Variants in FHIT observed in about 807,000 individuals in gnomAD.
FHIT encodes the protein fragile histidine triad diadenosine triphosphatase, also known as bis(5'-adenosyl)-triphosphatase.
FHIT carries 19 observed loss-of-function variants against 17.9 expected under a neutral mutation model. That is an observed-to-expected ratio of 1.06 (90% confidence interval 0.74 to 1.56). FHIT has a LOEUF of 1.56. Among genes scored for constraint, FHIT ranks in the 40% most tolerant of loss-of-function variants. The probability of loss-of-function intolerance (pLI) is 0.00; values close to 1 mark genes in which losing one functional copy is unlikely to be tolerated. For missense variants in FHIT, 248 were observed against 189.2 expected, an observed-to-expected ratio of 1.31 and a Z score of -1.82; for synonymous variants, 81 against 69.7, an observed-to-expected ratio of 1.16 and a Z score of -0.81.
chr3:60,296,207 T>C (rs1431518382), intron 5 of FHIT, among the ~76,000 whole-genome samples: 3 of 151,842 alleles, frequency 2.0e-5, no homozygotes, highest in Non-Finnish European at 4.4e-5. Flanking sequence ...AATGGACTAA[T>C]ATAGAGGGGA....
intron 2 of FHIT, among the ~76,000 whole-genome samples, chr3:61,064,206 G>A (rs1190185782): frequency 6.7e-6 from 1 of 149,418 alleles, no homozygotes; most frequent in Non-Finnish European, 1.5e-5. Flanking sequence ...AGACTTTAAG[G>A]AAAGATTTTC....
chr3:60,549,585 T>C (rs1265239107), intron 4 of FHIT, among the ~76,000 whole-genome samples: 1 of 152,186 alleles, frequency 6.6e-6, no homozygotes, highest in Non-Finnish European at 1.5e-5. Context: ...AACGGTTGTA[T>C]AGAAAAAAGT....
At chr3:60,912,933 T>G (rs1450541103) in intron 3 of FHIT, among the ~76,000 whole-genome samples, 2 of 152,242 alleles carry the variant, frequency 1.3e-5, no homozygotes, top group African/African-American at 2.4e-5. Context: ...TTTTTTCTTA[T>G]GTTAATCTGT....
intron 4 of FHIT, among the ~76,000 whole-genome samples, chr3:60,652,075 G>A (rs551350826): frequency 1.3e-5 from 2 of 152,244 alleles, no homozygotes; most frequent in African/African-American, 4.8e-5. Flanking sequence ...GGCAAAGGAG[G>A]GCCGACCTGC....
chr3:60,501,873 G>A (rs1001412367), intron 5 of FHIT, among the ~76,000 whole-genome samples: 1 of 152,212 alleles, frequency 6.6e-6, no homozygotes, highest in Non-Finnish European at 1.5e-5. Flanking sequence ...TACGCACTCA[G>A]TACTTGTAGG....
At chr3:59,872,773 G>C (rs1702980271) in intron 8 of FHIT, among the ~76,000 whole-genome samples, 1 of 152,184 alleles carries the variant, frequency 6.6e-6, no homozygotes. Context: ...CCTGAGCTTA[G>C]ATGCAGAAGT....
intron 3 of FHIT, among the ~76,000 whole-genome samples, chr3:60,975,769 C>T (rs1404049085): frequency 6.6e-6 from 1 of 152,196 alleles, no homozygotes; most frequent in Non-Finnish European, 1.5e-5. Context: ...AATGAACTCT[C>T]ATATTTTCTA....
intron 3 of FHIT, among the ~76,000 whole-genome samples, chr3:60,905,663 A>G (rs1706370854): frequency 6.6e-6 from 1 of 152,214 alleles, no homozygotes; most frequent in African/African-American, 2.4e-5. Context: ...GTAATAAGGA[A>G]TGAGGAGGAT....
intron 7 of FHIT, among the ~76,000 whole-genome samples, chr3:59,979,990 C>G (rs184408509): frequency 9.9e-5 from 15 of 152,250 alleles, no homozygotes; most frequent in Non-Finnish European, 1.9e-4. Context: ...ATGTGTCTGA[C>G]AGATGGCAAA....
chr3:61,160,641 T>C (rs1009255925), intron 2 of FHIT, among the ~76,000 whole-genome samples: 3 of 144,642 alleles, frequency 2.1e-5, no homozygotes, highest in African/African-American at 8.7e-5. Context: ...TTGTGTAGAC[T>C]GACTACCATG....
At chr3:60,959,805 T>C (rs1370857494) in intron 3 of FHIT, among the ~76,000 whole-genome samples, 1 of 150,704 alleles carries the variant, frequency 6.6e-6, no homozygotes, top group Admixed American at 6.6e-5. Context: ...CTTTTTCTTT[T>C]TTTTTTTTTT....
intron 4 of FHIT, among the ~76,000 whole-genome samples, chr3:60,789,222 C>T (rs1293895029): frequency 1.3e-5 from 2 of 148,174 alleles, no homozygotes; most frequent in Non-Finnish European, 3.0e-5. Flanking sequence ...GAGAGCACAA[C>T]AAGAATACGA....
At chr3:60,631,813 C>T (rs191856297) in intron 4 of FHIT, among the ~76,000 whole-genome samples, 9 of 152,184 alleles carry the variant, frequency 5.9e-5, no homozygotes, top group Admixed American at 5.9e-4. Flanking sequence ...TTTTAAAATC[C>T]GACTCTCATT....
At chr3:60,539,415 C>A (rs1328254215) in intron 4 of FHIT, among the ~76,000 whole-genome samples, 2 of 152,136 alleles carry the variant, frequency 1.3e-5, no homozygotes. Flanking sequence ...ACTAGAAATA[C>A]CATTTGACCC....
chr3:59,815,280 G>C (rs186661390), intron 8 of FHIT, among the ~76,000 whole-genome samples: 1 of 152,222 alleles, frequency 6.6e-6, no homozygotes, highest in East Asian at 1.9e-4. Context: ...ATAGCCTGGT[G>C]GGAATGTCAA....
chr3:61,139,883 T>C (rs766102665), intron 2 of FHIT, among the ~76,000 whole-genome samples: 6 of 152,090 alleles, frequency 3.9e-5, no homozygotes, highest in Non-Finnish European at 8.8e-5. Flanking sequence ...AAGCCTGAAA[T>C]TCACTTTTAG....
chr3:59,978,085 A>G (rs1394030434), intron 7 of FHIT, among the ~76,000 whole-genome samples: 4 of 152,186 alleles, frequency 2.6e-5, no homozygotes, highest in Non-Finnish European at 5.9e-5. Flanking sequence ...CATCCTCATA[A>G]TAAACCTGTG....
At chr3:60,111,825 C>G (rs796179526) in intron 5 of FHIT, among the ~76,000 whole-genome samples, 1 of 152,232 alleles carries the variant, frequency 6.6e-6, no homozygotes, top group Non-Finnish European at 1.5e-5. Flanking sequence ...TAGACTTGCA[C>G]AGCCAAGGCC....
chr3:60,572,695 AT>A (rs1402452568), intron 4 of FHIT, among the ~76,000 whole-genome samples: 3 of 152,190 alleles, frequency 2.0e-5, no homozygotes, highest in African/African-American at 7.2e-5. Context: ...AAACAAAAAA[AT>A]ATATGGTCCA....
Sources: allele counts gnomAD v4.1 joint callset (sites outside exome capture counted in the v4.1 genomes callset), GRCh38; gene constraint gnomAD v4.1.1; transcripts MANE v1.5; gene names NCBI Gene and HGNC (gene_info 2026-07-23, HGNC 2026-07-21).